The following RNF19B variants were observed in gnomAD, a reference collection of about 807,000 sequenced individuals.
RNF19B encodes ring finger protein 19B, also known as E3 ubiquitin-protein ligase RNF19B.
A neutral mutation model predicts 65.5 loss-of-function variants in RNF19B; 23 were observed. That is an observed-to-expected ratio of 0.35 (90% confidence interval 0.25 to 0.50). The LOEUF (loss-of-function observed/expected upper bound fraction) is 0.50. Ranked by LOEUF, RNF19B falls within the 20% of genes least tolerant of loss-of-function variation. The pLI is 0.98. For missense variants in RNF19B, 794 were observed against 980.0 expected, an observed-to-expected ratio of 0.81 and a Z score of 2.53; for synonymous variants, 372 against 379.6, an observed-to-expected ratio of 0.98 and a Z score of 0.23.
In RNF19B at chr1:32,964,687, G is replaced by T; in HGVS notation, c.-2C>A. On this transcript the variant is annotated 5_prime_UTR_variant, in exon 1 of 9. Coordinates refer to ENST00000235150, the MANE Select transcript of RNF19B (RefSeq NM_001300826.2). The surrounding 1 kb of genome is among the most constrained non-coding windows in gnomAD (Gnocchi z 6.5). ...CTCGGAGTCCTTCTCGGAGCCCATG[G>T]CCGGCAGAGGCCGAGGAGCCAGGGG... 6.9e-7 allele frequency: 1 copy of T among 1,459,368 alleles called. No individual in the cohort carries two copies. The allele number at this position is 1,459,368 out of a possible 1,614,324, so 90.4% of individuals were successfully genotyped here.
At chr1:32,933,514 CAA>C (rs1363900062), downstream of RNF19B, among the ~76,000 whole-genome samples, 12 of 152,292 alleles carry the variant, frequency 7.9e-5, 1 homozygote, top group East Asian at 2.3e-3. Flanking sequence ...CTCAGCCTCC[CAA>C]AGTGCTGGGA....
intron 1 of RNF19B, among the ~76,000 whole-genome samples, chr1:32,963,303 T>C (rs1361702571): frequency 6.6e-6 from 1 of 152,152 alleles, no homozygotes; most frequent in Non-Finnish European, 1.5e-5. Context: ...ACACGCCTTC[T>C]TCTGCAATGC....
rs1411591660 is a variant in RNF19B at position 32,964,457 on chromosome 1, G to C, written c.229C>G (p.Pro77Ala). 10 of 988,330 alleles carry C rather than the reference G, an allele frequency of 1.0e-5. No homozygotes were observed. The highest frequency in any genetic ancestry group is 1.2e-5 in the Non-Finnish European group (10 of 832,104). 61.2% of individuals were successfully genotyped at this position (988,330 alleles called of 1,614,324 possible). Residue 77 changes from proline (P) to alanine (A), a missense_variant, in exon 1 of 9, where the codon CCC becomes GCC. Physicochemically the swap from Pro to Ala is conservative, Grantham distance 27. This residue lies in a region of RNF19B where 374 missense variants were observed against 423.8 expected (regional missense o/e 0.88). Coordinates refer to ENST00000235150, the MANE Select transcript of RNF19B (RefSeq NM_001300826.2). This position sits in a 1 kb window ranked among gnomAD's most constrained non-coding sequence, Gnocchi z 6.5. ...GCCGGCTCGGCGGGCAGCGCCTCGG[G>C]CGGCGGGCCCTGGGCCGCGGCAGGG... ...PAPAAAQGPP[P>A]EALPAEPAAE...
chr1:32,934,899 C>A (rs1359217793), downstream of RNF19B, among the ~76,000 whole-genome samples: 2 of 151,998 alleles, frequency 1.3e-5, no homozygotes, highest in Admixed American at 6.5e-5. Context: ...AAGGCGCGAT[C>A]TCGGCTCACT....
Position 32,936,924 on chromosome 1 carries a change from G to C in RNF19B, c.2078C>G (p.Ala693Gly), listed in dbSNP as rs376240014. 6.2e-7 allele frequency: 1 copy of C among 1,614,086 alleles called. No homozygotes were observed. The highest frequency in any genetic ancestry group is 8.5e-7 in the Non-Finnish European group (1 of 1,180,006). ...TTGGGCTCTGGGGGTCGAGGGGCAG[G>C]CTGCAGTATGGGAGCGGGGGGAGCC... ...ECGSPRSHTA[A>G]CPSTPRAQGA... The change falls in exon 9 of 9, where the codon GCC becomes GGC. Residue 693 changes from alanine (A) to glycine (G), a missense_variant. Physicochemically the swap from Ala to Gly is moderately conservative, Grantham distance 60. Transcript: ENST00000235150.
chr1:32,942,541 G>A (rs761106139), intron 6 of RNF19B, 82 bp from the exon 7 acceptor site: 1 of 1,138,170 alleles, frequency 8.8e-7, no homozygotes, highest in Admixed American at 2.0e-5. Flanking sequence ...TGACTTTTCA[G>A]AGAACTAATG....
At chr1:32,947,909 A>G (rs922421900) in intron 3 of RNF19B, among the ~76,000 whole-genome samples, 1 of 152,158 alleles carries the variant, frequency 6.6e-6, no homozygotes, top group Non-Finnish European at 1.5e-5. Context: ...AGAACTGAAC[A>G]AGTTGAGATA....
chr1:32,940,914 G>C (rs2124116063), intron 7 of RNF19B, among the ~76,000 whole-genome samples: 1 of 152,330 alleles, frequency 6.6e-6, no homozygotes, highest in South Asian at 2.1e-4. Flanking sequence ...AAATAGAAAG[G>C]TAATAAGGAT....
chr1:32,952,303 T>C (rs1014799624), intron 1 of RNF19B, among the ~76,000 whole-genome samples: 1 of 151,734 alleles, frequency 6.6e-6, no homozygotes, highest in Non-Finnish European at 1.5e-5. Flanking sequence ...TTGTATAAAA[T>C]AACATTTTAG....
intron 6 of RNF19B, among the ~76,000 whole-genome samples, chr1:32,942,726 ACT>A (rs1266952120): frequency 6.6e-6 from 1 of 152,208 alleles, no homozygotes; most frequent in Non-Finnish European, 1.5e-5. Context: ...TGAAACTATA[ACT>A]CTGATTCCAA....
At chr1:32,929,575 CAT>C in the RNF19B span, among the ~76,000 whole-genome samples, 1 of 152,178 alleles carries the variant, frequency 6.6e-6, no homozygotes, top group Non-Finnish European at 1.5e-5. Flanking sequence ...AGCACACATG[CAT>C]AGTTACATGG....
At chr1:32,963,899 A>G in intron 1 of RNF19B, 152 bp downstream of exon 1, 2 of 1,269,610 alleles carry the variant, frequency 1.6e-6, no homozygotes, top group South Asian at 2.0e-5. Context: ...CGTTCACACC[A>G]CTAGTCTGGG....
chr1:32,962,130 G>A (rs1013157606), intron 1 of RNF19B, among the ~76,000 whole-genome samples: 4 of 152,020 alleles, frequency 2.6e-5, no homozygotes, highest in South Asian at 2.1e-4. Flanking sequence ...CACCATGCCC[G>A]GCTAATTTTT....
intron 1 of RNF19B, among the ~76,000 whole-genome samples, chr1:32,962,219 T>C (rs1042293289): frequency 6.6e-6 from 1 of 152,230 alleles, no homozygotes; most frequent in Non-Finnish European, 1.5e-5. Context: ...TCCACCCACC[T>C]TGGTCTCCCA....
intron 1 of RNF19B, among the ~76,000 whole-genome samples, chr1:32,955,327 T>C (rs1477249448): frequency 6.6e-6 from 1 of 152,120 alleles, no homozygotes; most frequent in African/African-American, 2.4e-5. Flanking sequence ...ATCTATTGGC[T>C]TATTATATGC....
Position 32,937,014 on chromosome 1 carries a change from C to A in RNF19B, c.1988G>T (p.Arg663Leu), listed in dbSNP as rs373889408. 11 of 1,614,018 alleles carry A rather than the reference C, an allele frequency of 6.8e-6. No homozygotes were observed. The highest frequency in any genetic ancestry group is 1.3e-5 in the African/African-American group (1 of 74,898). ...TGCATCAGAACTCTCTAGGTCACTG[C>A]GGATGCTTTCAGGCTGGGCCAGGCT... ...DISLAQPESI[R>L]SDLESSDAQS... is the part of the protein sequence containing the mutation. The change falls in exon 9 of 9, where the codon CGC becomes CTC. Residue 663 changes from arginine to leucine, a missense_variant. Transcript: ENST00000235150.
intron 1 of RNF19B, among the ~76,000 whole-genome samples, chr1:32,961,005 G>A (rs194658): frequency 0.34 from 52,366 of 151,794 alleles, 9,162 homozygotes; most frequent in Admixed American, 0.43. Flanking sequence ...GACAGAGCGA[G>A]ACGCTGTCTC....
chr1:32,954,738 CA>C (rs35049190), intron 1 of RNF19B, among the ~76,000 whole-genome samples: 92 of 112,206 alleles, frequency 8.2e-4, no homozygotes, highest in East Asian at 1.3e-3. Context: ...AATTCCATCT[CA>C]AAAAAAAAAA....
At chr1:32,951,847 G>A (rs1489738732) in intron 1 of RNF19B, among the ~76,000 whole-genome samples, 1 of 151,568 alleles carries the variant, frequency 6.6e-6, no homozygotes, top group Admixed American at 6.6e-5. Flanking sequence ...GCCCAGGATG[G>A]AGCGCAGTGG....
Sources: allele counts gnomAD v4.1 joint callset (sites outside exome capture counted in the v4.1 genomes callset), GRCh38; gene constraint gnomAD v4.1.1; regional missense constraint gnomAD v4.1.1; non-coding constraint Gnocchi (gnomAD v3.1); transcripts MANE v1.5; gene names NCBI Gene and HGNC (gene_info 2026-07-23, HGNC 2026-07-21).